The following PRKD1 variants were observed in gnomAD, a reference collection of about 807,000 sequenced individuals.
PRKD1 encodes serine/threonine-protein kinase D1.
Under a neutral mutation model 95.9 loss-of-function variants are expected in PRKD1, and 63 were observed. The observed-to-expected ratio is 0.66, with a 90% CI of 0.54 to 0.81. The LOEUF is 0.81. Ranked by LOEUF, PRKD1 falls within the 30% of genes least tolerant of loss-of-function variation. The pLI is 0.00. For synonymous variants in PRKD1, 425 were observed against 423.1 expected, an observed-to-expected ratio of 1.00 and a Z score of -0.05; for missense variants, 1,048 against 1,165.3, an observed-to-expected ratio of 0.90 and a Z score of 1.47.
chr14:29,580,940 G>GT (rs1439862109), intron 16 of PRKD1, among the ~76,000 whole-genome samples: 3 of 151,462 alleles, frequency 2.0e-5, no homozygotes, highest in African/African-American at 7.3e-5. Flanking sequence ...TCACAATCTA[G>GT]TTGCAAAGGC....
intron 2 of PRKD1, among the ~76,000 whole-genome samples, chr14:29,688,948 CAAAAAAAAAAAAAA>C (rs377212196): frequency 9.2e-5 from 3 of 32,502 alleles, no homozygotes; most frequent in East Asian, 1.3e-3. Context: ...GACTCCGTCT[CAAAAAAAAAAAAAA>C]AAAAAAAAAA....
At chr14:29,713,107 C>T (rs1322196918) in intron 2 of PRKD1, among the ~76,000 whole-genome samples, 4 of 151,828 alleles carry the variant, frequency 2.6e-5, no homozygotes, top group South Asian at 2.1e-4. Flanking sequence ...GATCTTTTGT[C>T]GTGTGTGTCT....
At chr14:29,861,332 C>T (rs1429722674) in intron 1 of PRKD1, among the ~76,000 whole-genome samples, 2 of 152,166 alleles carry the variant, frequency 1.3e-5, no homozygotes, top group East Asian at 3.9e-4. Flanking sequence ...TCCTGACACA[C>T]CTTCACTAAA....
chr14:29,622,806 T>C (rs1879367194), intron 13 of PRKD1, among the ~76,000 whole-genome samples: 2 of 152,142 alleles, frequency 1.3e-5, no homozygotes, highest in South Asian at 4.1e-4. Context: ...AACCCCAATA[T>C]CTAGTCAGTT....
intron 1 of PRKD1, among the ~76,000 whole-genome samples, chr14:29,842,021 AG>A (rs1361073219): frequency 6.6e-6 from 1 of 152,198 alleles, no homozygotes; most frequent in East Asian, 1.9e-4. Flanking sequence ...CAATTAGCCT[AG>A]GCCTACACAG....
chr14:29,671,224 C>T (rs569264290), intron 2 of PRKD1, among the ~76,000 whole-genome samples: 53 of 152,104 alleles, frequency 3.5e-4, no homozygotes, highest in African/African-American at 1.3e-3. Flanking sequence ...TAGCAAGTTG[C>T]CCTAATTAGG....
At chr14:29,813,274 T>C (rs1566615143) in intron 1 of PRKD1, among the ~76,000 whole-genome samples, 1 of 152,236 alleles carries the variant, frequency 6.6e-6, no homozygotes, top group Non-Finnish European at 1.5e-5. Flanking sequence ...CAAAATCAAC[T>C]TTAAAATGTT....
At chr14:29,669,342 A>G (rs1458804324) in intron 2 of PRKD1, among the ~76,000 whole-genome samples, 1 of 152,226 alleles carries the variant, frequency 6.6e-6, no homozygotes, top group Non-Finnish European at 1.5e-5. Flanking sequence ...CTAAACGCCA[A>G]CTGGAGCTTT....
intron 2 of PRKD1, among the ~76,000 whole-genome samples, chr14:29,723,755 C>A (rs1280145433): frequency 6.6e-6 from 1 of 151,872 alleles, no homozygotes. Context: ...GGCACTATGT[C>A]GTTCAAAACT....
At chr14:29,610,442 G>A (rs1324029145) in intron 13 of PRKD1, among the ~76,000 whole-genome samples, 4 of 152,132 alleles carry the variant, frequency 2.6e-5, no homozygotes, top group Non-Finnish European at 5.9e-5. Context: ...TGTCATCAGG[G>A]AAATGCAAAA....
chr14:29,662,646 T>TA (rs1177391961), intron 4 of PRKD1, among the ~76,000 whole-genome samples: 1 of 152,182 alleles, frequency 6.6e-6, no homozygotes, highest in Non-Finnish European at 1.5e-5. Context: ...GTTTACACTG[T>TA]AAAAAAATTT....
chr14:29,630,890 GACC>G lies in PRKD1; in HGVS notation c.1521_1523del (p.Val508del). 6.2e-7 allele frequency: 1 copy of G among 1,614,088 alleles called. No individual in the cohort carries two copies. The highest frequency in any genetic ancestry group is 8.5e-7 in the Non-Finnish European group (1 of 1,179,994). On this transcript the variant is annotated inframe_deletion, in exon 10 of 18. Coordinates refer to ENST00000331968, the MANE Select transcript of PRKD1 (RefSeq NM_002742.3). ...TATTTGGTGATGGGCTGGAAGGATT[GACC>G]ACATTTTCTCCCACATAATACACTA... is the stretch of plus-strand genomic sequence containing the variant.
At chr14:29,785,439 T>C (rs892584740) in intron 1 of PRKD1, among the ~76,000 whole-genome samples, 1 of 152,202 alleles carries the variant, frequency 6.6e-6, no homozygotes, top group African/African-American at 2.4e-5. Context: ...CTTTAATGAA[T>C]TTATTGGTTC....
intron 1 of PRKD1, among the ~76,000 whole-genome samples, chr14:29,903,729 T>G (rs949598910): frequency 6.6e-6 from 1 of 152,054 alleles, no homozygotes; most frequent in Non-Finnish European, 1.5e-5. Context: ...GAACAAAAAA[T>G]GATTAATGAA....
At chr14:29,594,745 G>C (rs1236387498) in intron 16 of PRKD1, among the ~76,000 whole-genome samples, 1 of 152,106 alleles carries the variant, frequency 6.6e-6, no homozygotes, top group Non-Finnish European at 1.5e-5. Flanking sequence ...TGACCACCCT[G>C]TGCCAGATAC....
intron 1 of PRKD1, among the ~76,000 whole-genome samples, chr14:29,915,163 T>C (rs1420586544): frequency 1.3e-5 from 2 of 152,206 alleles, no homozygotes; most frequent in African/African-American, 4.8e-5. Flanking sequence ...CAATGATCAA[T>C]ATATGGTCTT....
chr14:29,780,755 G>T (rs1889006299), intron 1 of PRKD1, among the ~76,000 whole-genome samples: 1 of 152,146 alleles, frequency 6.6e-6, no homozygotes, highest in Non-Finnish European at 1.5e-5. Flanking sequence ...TCTAGAACTA[G>T]AAATACCATT....
chr14:29,592,931 T>C (rs1265162566), intron 16 of PRKD1, among the ~76,000 whole-genome samples: 1 of 152,176 alleles, frequency 6.6e-6, no homozygotes, highest in African/African-American at 2.4e-5. Context: ...TGTGACAGCA[T>C]GGCTAAATAC....
At chr14:29,849,581 A>ACAAC (rs1192849722) in intron 1 of PRKD1, among the ~76,000 whole-genome samples, 9 of 151,800 alleles carry the variant, frequency 5.9e-5, no homozygotes, top group East Asian at 1.9e-4. Context: ...CAACAACAAA[A>ACAAC]AAAAAACTAC....
Sources: allele counts gnomAD v4.1 joint callset (sites outside exome capture counted in the v4.1 genomes callset), GRCh38; gene constraint gnomAD v4.1.1; transcripts MANE v1.5; gene names NCBI Gene and HGNC (gene_info 2026-07-23, HGNC 2026-07-21).